Variants in NUP210L observed in about 807,000 individuals in gnomAD.
The protein encoded by NUP210L is nuclear pore membrane glycoprotein 210-like.
Under a neutral mutation model 208.5 loss-of-function variants are expected in NUP210L, and 74 were observed. That is an observed-to-expected ratio of 0.35 (90% CI 0.29 to 0.43). The LOEUF is 0.43. NUP210L is among the 20% of genes least tolerant of loss of function. The pLI, the probability that NUP210L is intolerant of heterozygous loss-of-function variation, is 1.00. For synonymous variants in NUP210L, 780 were observed against 816.9 expected (o/e 0.95, Z 0.77); for missense variants, 1,843 against 2,289.4 (o/e 0.81, Z 3.98).
At chr1:154,056,693 TG>T in intron 23 of NUP210L, 121 bp downstream of exon 23, 1 of 962,548 alleles carries the variant, frequency 1.0e-6, no homozygotes, top group Non-Finnish European at 1.5e-6. Flanking sequence ...AGTGCTCACA[TG>T]GTGGTGTGAG....
intron 16 of NUP210L, among the ~76,000 whole-genome samples, chr1:154,083,591 T>C (rs1655465551): frequency 1.3e-5 from 2 of 152,076 alleles, no homozygotes; most frequent in African/African-American, 4.8e-5. Flanking sequence ...AGTGTCAGAA[T>C]TGAATTGGAG....
chr1:154,052,478 G>T (rs965384736), intron 25 of NUP210L, among the ~76,000 whole-genome samples: 3 of 152,130 alleles, frequency 2.0e-5, no homozygotes, highest in Non-Finnish European at 4.4e-5. Flanking sequence ...GAAAACCTGA[G>T]GAAAGTGGGA....
intron 37 of NUP210L, chr1:153,995,909 G>A: frequency 1.9e-6 from 1 of 534,922 alleles, no homozygotes; most frequent in Admixed American, 2.1e-5. Context: ...TTATCGAGGA[G>A]CAGAAAATTG....
chr1:154,068,652 C>A (rs1357312125), intron 17 of NUP210L, among the ~76,000 whole-genome samples: 1 of 152,110 alleles, frequency 6.6e-6, no homozygotes, highest in African/African-American at 2.4e-5. Context: ...TGCACTCCAG[C>A]CTGGGTGACA....
At chr1:154,117,942 T>C in intron 11 of NUP210L, 62 bp from the exon 12 acceptor site, 2 of 1,211,996 alleles carry the variant, frequency 1.7e-6, no homozygotes, top group Non-Finnish European at 2.4e-6. Flanking sequence ...AGTGAAAATG[T>C]AAAACTTGAC....
At chr1:153,995,242 T>A in intron 37 of NUP210L, 62 bp from the exon 38 acceptor site, 1 of 1,201,632 alleles carries the variant, frequency 8.3e-7, no homozygotes. Context: ...AGATGCTGCA[T>A]TTTTTAAATT....
chr1:154,071,070 C>A (rs1571236315), intron 16 of NUP210L, among the ~76,000 whole-genome samples: 2 of 150,628 alleles, frequency 1.3e-5, no homozygotes, highest in East Asian at 3.9e-4. Context: ...AAAGTCCAGG[C>A]CAGTTTTTTG....
intron 25 of NUP210L, among the ~76,000 whole-genome samples, chr1:154,049,035 G>C (rs1193093096): frequency 2.6e-5 from 4 of 152,138 alleles, no homozygotes; most frequent in Admixed American, 2.6e-4. Flanking sequence ...TCCTCCCTGT[G>C]AAATAACTAT....
chr1:154,095,825 T>C (rs1656150918), intron 14 of NUP210L, among the ~76,000 whole-genome samples: 1 of 152,208 alleles, frequency 6.6e-6, no homozygotes, highest in African/African-American at 2.4e-5. Flanking sequence ...AGATAGGTAT[T>C]ACTCAATTCA....
intron 17 of NUP210L, among the ~76,000 whole-genome samples, chr1:154,063,575 G>C (rs1571228092): frequency 1.3e-5 from 2 of 152,142 alleles, no homozygotes; most frequent in Non-Finnish European, 2.9e-5. Context: ...TTTGATGTCA[G>C]GGAGTTTGCT....
chr1:154,150,061 T>A (rs1558011989), intron 2 of NUP210L, among the ~76,000 whole-genome samples: 1 of 152,108 alleles, frequency 6.6e-6, no homozygotes, highest in Non-Finnish European at 1.5e-5. Flanking sequence ...AACCCCTACC[T>A]CTATAAAAAT....
At chr1:154,060,168 G>A (rs1571224711) in intron 20 of NUP210L, among the ~76,000 whole-genome samples, 1 of 152,144 alleles carries the variant, frequency 6.6e-6, no homozygotes, top group Non-Finnish European at 1.5e-5. Context: ...GAACCTGGGA[G>A]GTGGAGGTTG....
At chr1:154,065,126 AAAATAAAAT>A (rs1424353222) in intron 17 of NUP210L, among the ~76,000 whole-genome samples, 18 of 122,360 alleles carry the variant, frequency 1.5e-4, no homozygotes, top group Non-Finnish European at 2.2e-4. Context: ...AAAATAAAAT[AAAATAAAAT>A]AAAATCAGGT....
chr1:154,134,474 A>C (rs1658419796), intron 7 of NUP210L, among the ~76,000 whole-genome samples: 1 of 138,888 alleles, frequency 7.2e-6, no homozygotes, highest in Admixed American at 7.7e-5. Context: ...GCGGTGGCTC[A>C]CGCCTGTAAT....
intron 16 of NUP210L, among the ~76,000 whole-genome samples, chr1:154,085,712 C>T (rs933672191): frequency 6.6e-6 from 1 of 152,104 alleles, no homozygotes; most frequent in Non-Finnish European, 1.5e-5. Context: ...TACTTCCCAA[C>T]CTCAAAACTT....
chr1:154,087,067 C>T (rs1451383928), intron 16 of NUP210L, among the ~76,000 whole-genome samples: 1 of 152,054 alleles, frequency 6.6e-6, no homozygotes, highest in Non-Finnish European at 1.5e-5. Flanking sequence ...CGCCTGTAAT[C>T]CCAGCACTTT....
At chr1:153,993,952 C>T (rs1370225344) in intron 38 of NUP210L, among the ~76,000 whole-genome samples, 4 of 152,180 alleles carry the variant, frequency 2.6e-5, no homozygotes, top group African/African-American at 9.7e-5. Flanking sequence ...ACAATCATGG[C>T]TTACTGCCAC....
At chr1:154,046,566 A>C (rs1653194432) in intron 25 of NUP210L, among the ~76,000 whole-genome samples, 197 bp from the exon 26 acceptor site, 1 of 152,252 alleles carries the variant, frequency 6.6e-6, no homozygotes, top group Non-Finnish European at 1.5e-5. Flanking sequence ...TGGATAAAGA[A>C]AATGTGGTAC....
At chr1:153,999,796 C>G (rs2147885086) in intron 37 of NUP210L, among the ~76,000 whole-genome samples, 1 of 146,306 alleles carries the variant, frequency 6.8e-6, no homozygotes, top group East Asian at 2.0e-4. Flanking sequence ...ACAAAGCTGG[C>G]AAACTCGTGT....
Sources: allele counts gnomAD v4.1 joint callset (sites outside exome capture counted in the v4.1 genomes callset), GRCh38; gene constraint gnomAD v4.1.1; transcripts MANE v1.5; gene names NCBI Gene and HGNC (gene_info 2026-07-23, HGNC 2026-07-21).